Variants in PHACTR3 observed in about 807,000 individuals in gnomAD.
The protein encoded by PHACTR3 is phosphatase and actin regulator 3, also known as protein phosphatase 1, regulatory subunit 123.
Under a neutral mutation model 66.8 loss-of-function variants are expected in PHACTR3, and 16 were observed. The observed-to-expected ratio is 0.24, with a 90% confidence interval of 0.16 to 0.36. The LOEUF is 0.36. PHACTR3 is among the 10% of genes least tolerant of loss of function. The pLI is 1.00. For synonymous variants in PHACTR3, 323 were observed against 292.1 expected, an observed-to-expected ratio of 1.11 and a Z score of -1.08; for missense variants, 647 against 719.9, an observed-to-expected ratio of 0.90 and a Z score of 1.16.
intron 1 of PHACTR3, among the ~76,000 whole-genome samples, chr20:59,674,703 C>T (rs1169928114): frequency 5.9e-5 from 3 of 50,852 alleles, no homozygotes; most frequent in Non-Finnish European, 1.0e-4. Context: ...CTGCCTTCTC[C>T]TGTCCCCCCT....
At chr20:59,617,921 T>C (rs1356879141) in intron 1 of PHACTR3, among the ~76,000 whole-genome samples, 1 of 152,144 alleles carries the variant, frequency 6.6e-6, no homozygotes, top group African/African-American at 2.4e-5. Context: ...ATCCTCGTGG[T>C]AGATCGTCTG....
intron 1 of PHACTR3, among the ~76,000 whole-genome samples, chr20:59,675,957 C>CCT (rs2146526812): frequency 6.6e-6 from 1 of 152,188 alleles, no homozygotes; most frequent in African/African-American, 2.4e-5. Context: ...GGCCTGGGCC[C>CCT]GGAATAAAAG....
intron 1 of PHACTR3, among the ~76,000 whole-genome samples, chr20:59,678,137 G>A (rs547411338): frequency 5.3e-5 from 8 of 152,236 alleles, no homozygotes; most frequent in African/African-American, 1.7e-4. Context: ...CTGTCTACAC[G>A]GAATAGATAT....
rs933691441 is a variant in PHACTR3 at position 59,738,650 on chromosome 20, G to T, written c.119-4457G>T. Among the ~76,000 whole-genome samples the T allele has an allele frequency of 6.6e-6, 1 of 152,104 alleles. No homozygotes were observed. On this transcript the variant is annotated intron_variant, in intron 1 of 12. Coordinates refer to ENST00000371015, the MANE Select transcript of PHACTR3 (RefSeq NM_080672.5). The surrounding 1 kb of genome is among the most constrained non-coding windows in gnomAD (Gnocchi z 4.4). ...TGGAGCCCGTGTGGTGTCTGTCGTGGGGACCCACCTAACTCCTTGATGCTG... is the reference window on the plus strand; with the variant it reads ...TGGAGCCCGTGTGGTGTCTGTCGTGTGGACCCACCTAACTCCTTGATGCTG...
At position 59,829,581 on chromosome 20, in the gene PHACTR3, G is replaced by A. The variant is rs190300930; in HGVS notation, c.1329-6924G>A. ...ATGTCTGAGGATGCATCAATGCGTC[G>A]TGTGAATGGTGTGTGGAGACGCTGC... On this transcript the variant is annotated intron_variant, in intron 8 of 12. Coordinates refer to ENST00000371015, the MANE Select transcript of PHACTR3 (RefSeq NM_080672.5). This position sits in a 1 kb window ranked among gnomAD's most constrained non-coding sequence, Gnocchi z 4.2. Among the ~76,000 whole-genome samples the A allele has an allele frequency of 9.8e-5, 15 of 152,330 alleles. No individual in the cohort carries two copies. The highest frequency in any genetic ancestry group is 2.4e-4 in the African/African-American group (10 of 41,586).
chr20:59,764,849 G>A (rs1031509019), intron 4 of PHACTR3, among the ~76,000 whole-genome samples: 12 of 151,974 alleles, frequency 7.9e-5, no homozygotes, highest in African/African-American at 2.9e-4. Flanking sequence ...AAAGGGGTGG[G>A]ACCCCCCCAG....
At chr20:59,604,110 C>A (rs1472004827), upstream of PHACTR3, among the ~76,000 whole-genome samples, 5 of 150,336 alleles carry the variant, frequency 3.3e-5, no homozygotes, top group South Asian at 2.2e-4. Context: ...TTCGGAGGGT[C>A]CGGGGTGCCC....
Position 59,763,744 on chromosome 20 carries a change from G to T in PHACTR3, c.542-3442G>T, listed in dbSNP as rs527804787. ...CCTTCATCCTGGGGCAGCCCAGGTG[G>T]ACATTCAGATGCAGGAGGTGGGACC... is the stretch of plus-strand genomic sequence containing the variant. On this transcript the variant is annotated intron_variant, in intron 4 of 12. Transcript: ENST00000371015. Among the ~76,000 whole-genome samples, 6 of 152,328 alleles carry T rather than the reference G, an allele frequency of 3.9e-5. No homozygotes were observed. The East Asian group carries it at 1.2e-3, about 29-fold the overall frequency.
intron 7 of PHACTR3, among the ~76,000 whole-genome samples, chr20:59,780,053 C>A (rs970675967): frequency 1.3e-5 from 2 of 152,162 alleles, no homozygotes; most frequent in African/African-American, 4.8e-5. Context: ...GCTCTGGGCG[C>A]AGTAGAAACA....
intron 2 of PHACTR3, among the ~76,000 whole-genome samples, chr20:59,747,126 G>A (rs2039399980): frequency 6.6e-6 from 1 of 152,226 alleles, no homozygotes; most frequent in South Asian, 2.1e-4. Flanking sequence ...TTTTGCTCCG[G>A]GAAGGGGAGG....
chr20:59,794,727 T>C (rs1293711531), intron 7 of PHACTR3, among the ~76,000 whole-genome samples: 5 of 152,190 alleles, frequency 3.3e-5, no homozygotes, highest in Non-Finnish European at 5.9e-5. Flanking sequence ...TCATTATTGG[T>C]CTGTTCTGAT....
chr20:59,809,485 C>A (rs1255155943), intron 8 of PHACTR3, among the ~76,000 whole-genome samples: 1 of 152,122 alleles, frequency 6.6e-6, no homozygotes, highest in Non-Finnish European at 1.5e-5. Context: ...TTGGTTTCTT[C>A]TTTATGTACT....
intron 2 of PHACTR3, among the ~76,000 whole-genome samples, chr20:59,745,182 G>A (rs75282474): frequency 0.01 from 1,543 of 152,354 alleles, 23 homozygotes; most frequent in African/African-American, 0.034. Context: ...GAGCATGGCA[G>A]CAGTGGGAAC....
At chr20:59,773,205 T>C in intron 5 of PHACTR3, 74 bp from the exon 6 acceptor site, 1 of 1,512,758 alleles carries the variant, frequency 6.6e-7, no homozygotes, top group Admixed American at 2.0e-5. Context: ...CCGCTCATGG[T>C]CCCCAGTCTC....
chr20:59,662,480 G>A (rs925466198), intron 1 of PHACTR3, among the ~76,000 whole-genome samples: 2 of 152,140 alleles, frequency 1.3e-5, no homozygotes, highest in African/African-American at 2.4e-5. Context: ...ATGGACCAAC[G>A]AAAGGCCCAT....
intron 7 of PHACTR3, among the ~76,000 whole-genome samples, chr20:59,777,618 T>G (rs1348337332): frequency 1.3e-5 from 2 of 152,238 alleles, no homozygotes; most frequent in Non-Finnish European, 2.9e-5. Flanking sequence ...CCTTCCTAGC[T>G]GGGACACAGT....
At position 59,584,263 on chromosome 20, in the gene PHACTR3, T is replaced by A. The variant is rs182624105; in HGVS notation, c.109+6646T>A. Among the ~76,000 whole-genome samples the A allele has an allele frequency of 8.6e-5, 13 of 151,424 alleles. No individual in the cohort carries two copies. The East Asian group carries it at 2.1e-3, about 25-fold the overall frequency. On this transcript the variant is annotated intron_variant, in intron 1 of 12. Coordinates refer to the PHACTR3 transcript ENST00000359926. ...GTGCCTGATTGTGTGTGTGTATGCA[T>A]GTGTTTGTGAGGCCGTGCAAGAGTG...
At chr20:59,729,092 G>A (rs1171781719) in intron 1 of PHACTR3, among the ~76,000 whole-genome samples, 1 of 152,094 alleles carries the variant, frequency 6.6e-6, no homozygotes, top group East Asian at 1.9e-4. Context: ...GAGGTCACAG[G>A]GCTTTGAGGG....
chr20:59,580,989 G>C (rs2146298497), intron 1 of PHACTR3, among the ~76,000 whole-genome samples: 1 of 152,328 alleles, frequency 6.6e-6, no homozygotes, highest in Admixed American at 6.5e-5. Context: ...CCACTTACTG[G>C]AGTGAGGGAG....
Sources: allele counts gnomAD v4.1 joint callset (sites outside exome capture counted in the v4.1 genomes callset), GRCh38; gene constraint gnomAD v4.1.1; non-coding constraint Gnocchi (gnomAD v3.1); transcripts MANE v1.5; gene names NCBI Gene and HGNC (gene_info 2026-07-23, HGNC 2026-07-21).